AGBL1: variants seen among roughly 807,000 people sequenced by gnomAD.
The protein encoded by AGBL1 is cytosolic carboxypeptidase 4.
AGBL1 carries 130 observed loss-of-function variants against 118.9 expected under a neutral mutation model. The ratio of observed to expected loss-of-function variants is 1.09; its 90% CI spans 0.95 to 1.26. AGBL1 has a LOEUF of 1.26. Among genes scored for constraint, AGBL1 ranks in the 50% most tolerant of loss-of-function variants. AGBL1 has a pLI of 0.00. For missense variants in AGBL1, 1,584 were observed against 1,298.1 expected (o/e 1.22, Z -3.38); for synonymous variants, 555 against 478.9 (o/e 1.16, Z -2.08).
intron 18 of AGBL1, among the ~76,000 whole-genome samples, chr15:86,476,979 C>A (rs1273129754): frequency 6.6e-6 from 1 of 152,196 alleles, no homozygotes; most frequent in Non-Finnish European, 1.5e-5. Flanking sequence ...TCCTGAATGA[C>A]TACTGGTTAC....
At chr15:86,894,806 A>G (rs1368504207) in intron 22 of AGBL1, among the ~76,000 whole-genome samples, 1 of 152,174 alleles carries the variant, frequency 6.6e-6, no homozygotes, top group Non-Finnish European at 1.5e-5. Flanking sequence ...AAACAAGTTA[A>G]AGAAGGGAGA....
chr15:86,244,386 C>T lies in AGBL1; in HGVS notation c.527-3285C>T, dbSNP rs893810488. ...CTCTAAGTTGCTGATCCCAGTGACC[C>T]TCATTTCATTCTTTGCTCTTCTCCA... is the stretch of plus-strand genomic sequence containing the variant. On this transcript the variant is annotated intron_variant, in intron 6 of 22. Transcript: ENST00000614907. Among the ~76,000 whole-genome samples, 7 of 152,312 alleles carry T rather than the reference C, an allele frequency of 4.6e-5. No homozygotes were observed. The East Asian group carries it at 1.3e-3, about 29-fold the overall frequency.
intron 21 of AGBL1, among the ~76,000 whole-genome samples, chr15:86,556,471 T>A (rs967861747): frequency 1.3e-5 from 2 of 152,232 alleles, no homozygotes; most frequent in Non-Finnish European, 2.9e-5. Flanking sequence ...TCCTTCTCTT[T>A]GTTTTCCTGT....
chr15:86,304,574 A>G (rs1311584341), intron 17 of AGBL1, among the ~76,000 whole-genome samples: 6 of 152,208 alleles, frequency 3.9e-5, no homozygotes, highest in Non-Finnish European at 8.8e-5. Context: ...CAGGTGCACA[A>G]GACATGTTTA....
intron 22 of AGBL1, among the ~76,000 whole-genome samples, chr15:86,778,735 G>A (rs982851114): frequency 6.6e-6 from 1 of 152,078 alleles, no homozygotes; most frequent in Non-Finnish European, 1.5e-5. Flanking sequence ...CAAACAATTT[G>A]TGCAGTTAAC....
intron 18 of AGBL1, among the ~76,000 whole-genome samples, chr15:86,459,377 G>A (rs1219712668): frequency 1.3e-5 from 2 of 152,078 alleles, no homozygotes; most frequent in Admixed American, 1.3e-4. Flanking sequence ...AGTGACAAAT[G>A]TTCATTTGTC....
chr15:86,464,958 G>C (rs568707799), intron 18 of AGBL1, among the ~76,000 whole-genome samples: 19 of 152,044 alleles, frequency 1.2e-4, no homozygotes, highest in African/African-American at 4.3e-4. Flanking sequence ...CTGTCTTGCT[G>C]GGTTGGGGAG....
chr15:86,835,927 T>C (rs966044925), intron 22 of AGBL1, among the ~76,000 whole-genome samples: 1 of 152,128 alleles, frequency 6.6e-6, no homozygotes, highest in Non-Finnish European at 1.5e-5. Flanking sequence ...TTCACACAGG[T>C]CTATGGGCCA....
intron 21 of AGBL1, among the ~76,000 whole-genome samples, chr15:86,593,125 G>A (rs1164920443): frequency 6.6e-6 from 1 of 152,016 alleles, no homozygotes; most frequent in Non-Finnish European, 1.5e-5. Flanking sequence ...TATTGTTCAA[G>A]TTGCCCCAGT....
intron 21 of AGBL1, among the ~76,000 whole-genome samples, chr15:86,612,838 A>AG (rs1249903041): frequency 6.6e-6 from 1 of 152,154 alleles, no homozygotes. Flanking sequence ...CTACATGACA[A>AG]GAACCTTGGC....
At chr15:86,275,125 A>C (rs1003516978) in intron 15 of AGBL1, among the ~76,000 whole-genome samples, 1 of 152,076 alleles carries the variant, frequency 6.6e-6, no homozygotes, top group Admixed American at 6.6e-5. Context: ...ACAGCCACAC[A>C]CCTTTTTGAA....
At chr15:86,520,471 A>C (rs2083173817) in intron 18 of AGBL1, among the ~76,000 whole-genome samples, 1 of 152,108 alleles carries the variant, frequency 6.6e-6, no homozygotes, top group Non-Finnish European at 1.5e-5. Context: ...TCAGCACAAA[A>C]CTTTATTTTT....
At chr15:87,003,249 T>A (rs1316513881) in intron 24 of AGBL1, among the ~76,000 whole-genome samples, 1 of 152,218 alleles carries the variant, frequency 6.6e-6, no homozygotes, top group African/African-American at 2.4e-5. Context: ...GTGGCTTTTG[T>A]CTTTGGTTCT....
chr15:86,200,558 C>CG (rs1377351029), intron 5 of AGBL1, among the ~76,000 whole-genome samples: 1 of 143,760 alleles, frequency 7.0e-6, no homozygotes, highest in Non-Finnish European at 1.5e-5. Flanking sequence ...CTACCCCCCC[C>CG]CCCCTTTTTT....
rs1017171191 is a variant in AGBL1 at position 86,774,674 on chromosome 15, G to C, written c.3158+100238G>C. Among the ~76,000 whole-genome samples, 5 of 152,150 alleles carry C rather than the reference G, an allele frequency of 3.3e-5. No individual in the cohort carries two copies. In the South Asian group the frequency reaches 6.2e-4, roughly 19 times the overall value. On this transcript the variant is annotated intron_variant, in intron 22 of 22. Transcript: ENST00000614907. ...AGGGCTAGTGGAAAGTTAAGAATGG[G>C]AGGTACAGTATGAGAAAAATTAAGA...
rs546558157 is a variant in AGBL1 at position 86,314,005 on chromosome 15, T to G, written c.2374+18597T>G. Among the ~76,000 whole-genome samples the G allele has an allele frequency of 8.3e-4, 127 of 152,322 alleles. 3 individuals are homozygous for G. In the South Asian group the frequency reaches 0.024, roughly 29 times the overall value. On this transcript the variant is annotated intron_variant, in intron 17 of 22. Transcript: ENST00000614907. The stretch of plus-strand genomic sequence containing the variant: ...GAGCCCTACTAAATGAGATGGGTGA[T>G]ATCAGAATCATAAACGCCTAGATCC...
At chr15:86,428,426 C>T (rs1596102806) in intron 18 of AGBL1, among the ~76,000 whole-genome samples, 1 of 152,312 alleles carries the variant, frequency 6.6e-6, no homozygotes, top group African/African-American at 2.4e-5. Context: ...ATTGATAGTC[C>T]TATTTTCCCC....
chr15:86,404,479 C>T (rs1014029573), intron 18 of AGBL1, among the ~76,000 whole-genome samples: 2 of 152,170 alleles, frequency 1.3e-5, no homozygotes, highest in Non-Finnish European at 2.9e-5. Context: ...TTTTCCTTCC[C>T]ATTTTGAACT....
At chr15:86,683,154 T>C (rs1366137080) in intron 22 of AGBL1, among the ~76,000 whole-genome samples, 1 of 152,184 alleles carries the variant, frequency 6.6e-6, no homozygotes, top group African/African-American at 2.4e-5. Context: ...GGGCATTAAA[T>C]GTATAATCTA....
Sources: gnomAD v4.1 joint callset for allele counts (sites outside exome capture counted in the v4.1 genomes callset) on GRCh38, gnomAD v4.1.1 for gene constraint, MANE v1.5 for transcripts, NCBI Gene and HGNC (gene_info 2026-07-23, HGNC 2026-07-21) for gene names.